KCNQ4: variants seen among roughly 807,000 people sequenced by gnomAD.
KCNQ4 encodes potassium voltage-gated channel subfamily KQT member 4.
Under a neutral mutation model 72.6 loss-of-function variants are expected in KCNQ4, and 31 were observed. That is an observed-to-expected ratio of 0.43 (90% CI 0.32 to 0.58). The LOEUF (loss-of-function observed/expected upper bound fraction) is 0.58. KCNQ4 is among the 20% of genes least tolerant of loss of function. The pLI, the probability that KCNQ4 is intolerant of heterozygous loss-of-function variation, is 0.08. For synonymous variants in KCNQ4, 405 were observed against 403.7 expected, an observed-to-expected ratio of 1.00 and a Z score of -0.04; for missense variants, 869 against 962.6, an observed-to-expected ratio of 0.90 and a Z score of 1.29.
In KCNQ4 at chr1:40,817,262, C is replaced by T; in HGVS notation, c.315-3C>T. On this transcript the variant is annotated splice_region_variant and splice_polypyrimidine_tract_variant and intron_variant, in intron 1 of 13. Coordinates refer to ENST00000347132, the MANE Select transcript of KCNQ4 (RefSeq NM_004700.4). The surrounding 1 kb of genome is among the most constrained non-coding windows in gnomAD (Gnocchi z 5.5). ...AACCCTCTCCCTCATGTTGTAATTGCAGATTTTTGCTGGTCTTCAGCTGCC... is the reference window on the plus strand; with the variant it reads ...AACCCTCTCCCTCATGTTGTAATTGTAGATTTTTGCTGGTCTTCAGCTGCC... 1.2e-6 allele frequency: 2 copies of T among 1,612,824 alleles called. No homozygotes were observed. The highest frequency in any genetic ancestry group is 1.7e-6 in the Non-Finnish European group (2 of 1,179,242).
At position 40,785,592 on chromosome 1, in the gene KCNQ4, G is replaced by T. The variant is rs150662123; in HGVS notation, c.314+1185G>T. Among the ~76,000 whole-genome samples, 120 of 152,092 alleles carry T rather than the reference G, an allele frequency of 7.9e-4. 3 individuals are homozygous for T. The East Asian group carries it at 0.014, about 17-fold the overall frequency. ...TGCTCACCCTTCCACCTAACTGTCC[G>T]CAGTCCTTCTGCTTGCCTGTTTCCA... On this transcript the variant is annotated intron_variant, in intron 1 of 13. Transcript: ENST00000347132.
rs778631219 is a variant in KCNQ4 at position 40,820,225 on chromosome 1, G to A, written c.1006G>A (p.Glu336Lys). The change falls in exon 7 of 14, where the codon GAG (glutamate) becomes AAG (lysine). Residue 336 changes from glutamate (E) to lysine (K), a missense_variant. Physicochemically the swap from Glu to Lys is moderately conservative, Grantham distance 56. This residue lies in a region of KCNQ4 where 19 missense variants were observed against 26.4 expected (regional missense o/e 0.72). Transcript: ENST00000347132. ...VQEQHRQKHF[E>K]KRRMPAANLI... ...GGAGCAGCACCGGCAGAAGCACTTCGAGAAGCGGAGGATGCCGGCAGCCAA... is the reference window on the plus strand; with the variant it reads ...GGAGCAGCACCGGCAGAAGCACTTCAAGAAGCGGAGGATGCCGGCAGCCAA... 34 of 1,610,090 alleles carry A rather than the reference G, an allele frequency of 2.1e-5. No individual in the cohort carries two copies. Among genetic ancestry groups the A allele is most frequent in the Non-Finnish European group, 2.8e-5 (33 of 1,178,404 alleles).
Position 40,838,335 on chromosome 1 carries a change from G to A in KCNQ4, c.1900G>A (p.Asp634Asn). The change falls in exon 14 of 14, where the codon GAC (aspartate) becomes AAC (asparagine). Residue 634 changes from aspartate (D) to asparagine (N), a missense_variant. Asp to Asn is a conservative substitution (Grantham distance 23). Around this residue, in one of 5 missense-constraint regions of KCNQ4, gnomAD observed 480 missense variants for 501.9 expected, o/e 0.96. Transcript: ENST00000347132. ...GGTGCAGTCCATCGAGCACAAGCTG[G>A]ACCTGCTGTTGGGCTTCTATTCGCG... ...KQVQSIEHKL[D>N]LLLGFYSRCL... 3.1e-6 allele frequency: 5 copies of A among 1,613,790 alleles called. No individual in the cohort carries two copies. Among genetic ancestry groups the A allele is most frequent in the African/African-American group, 1.3e-5 (1 of 75,040 alleles).
intron 1 of KCNQ4, among the ~76,000 whole-genome samples, chr1:40,790,285 C>T (rs758281890): frequency 7.9e-5 from 12 of 152,188 alleles, no homozygotes; most frequent in Non-Finnish European, 1.6e-4. Flanking sequence ...GATAAGGCAC[C>T]GAACACTGCT....
At chr1:40,789,610 G>A (rs940967781) in intron 1 of KCNQ4, among the ~76,000 whole-genome samples, 2 of 151,978 alleles carry the variant, frequency 1.3e-5, no homozygotes, top group Non-Finnish European at 2.9e-5. Context: ...CACTGGAGCC[G>A]GTTCGATCTC....
At chr1:40,822,496 G>A in intron 8 of KCNQ4, 94 bp downstream of exon 8, 1 of 1,030,014 alleles carries the variant, frequency 9.7e-7, no homozygotes, top group Non-Finnish European at 1.5e-6. Flanking sequence ...GGTGGAAAGG[G>A]GGTGATGGCT....
intron 1 of KCNQ4, among the ~76,000 whole-genome samples, chr1:40,796,822 G>A (rs1647423739): frequency 6.6e-6 from 1 of 152,046 alleles, no homozygotes; most frequent in Admixed American, 6.6e-5. Flanking sequence ...GGAGGTTGAG[G>A]CATCAGAATC....
At chr1:40,806,931 G>A (rs996999009) in intron 1 of KCNQ4, among the ~76,000 whole-genome samples, 1 of 152,144 alleles carries the variant, frequency 6.6e-6, no homozygotes, top group African/African-American at 2.4e-5. Flanking sequence ...AATCTGTGGC[G>A]GCCAGGAGAG....
chr1:40,834,865 T>G (rs1570852996), intron 11 of KCNQ4, 102 bp from the exon 12 acceptor site: 2 of 1,515,622 alleles, frequency 1.3e-6, no homozygotes, highest in South Asian at 1.1e-5. Flanking sequence ...AAGCAGGAGG[T>G]GCCCTGGTGC....
chr1:40,828,014 G>T (rs985202231), intron 9 of KCNQ4, among the ~76,000 whole-genome samples: 11 of 152,240 alleles, frequency 7.2e-5, no homozygotes, highest in African/African-American at 2.7e-4. Flanking sequence ...GCCTCCTTTG[G>T]CTGTGGAGGG....
In KCNQ4 at chr1:40,784,547, C is replaced by G. The variant is rs575644188; in HGVS notation, c.314+140C>G. On this transcript the variant is annotated intron_variant, in intron 1 of 13. Transcript: ENST00000347132. The surrounding 1 kb of genome is among the most constrained non-coding windows in gnomAD (Gnocchi z 4.1). ...ATCTCTCTCCCCCCAGGCCTAAGCCCGGTTTCTGATCCCCTCGCTGAGCCC... is the reference window on the plus strand; with the variant it reads ...ATCTCTCTCCCCCCAGGCCTAAGCCGGGTTTCTGATCCCCTCGCTGAGCCC... 24 of 819,070 alleles carry G rather than the reference C, an allele frequency of 2.9e-5. No individual in the cohort carries two copies. The highest frequency in any genetic ancestry group is 2.1e-4 in the South Asian group (15 of 70,008). The allele number at this position is 819,070 out of a possible 1,614,324, so 50.7% of individuals were successfully genotyped here. A position where few individuals can be genotyped will look rare whatever the true frequency, so the allele number is the denominator to read the frequency against.
chr1:40,831,294 C>G lies in KCNQ4; in HGVS notation c.1503C>G (p.Thr501=). ...CATCTCTGAGACTCAAACCCCGCAC[C>G]TCTGCTGAGGGTAAGCCCCCGGGGG... is the stretch of plus-strand genomic sequence containing the variant. ...FRASLRLKPR[T]SAEDAPSEEV... is the part of the protein sequence containing the mutation. The change falls in exon 10 of 14, where the codon ACC becomes ACG. Residue 501 remains threonine (T), a synonymous_variant. Coordinates refer to ENST00000347132, the MANE Select transcript of KCNQ4 (RefSeq NM_004700.4). 2 of 1,598,752 alleles carry G rather than the reference C, an allele frequency of 1.3e-6. No homozygotes were observed. The highest frequency in any genetic ancestry group is 1.7e-6 in the Non-Finnish European group (2 of 1,172,858).
chr1:40,786,284 C>T (rs1216317769), intron 1 of KCNQ4, among the ~76,000 whole-genome samples: 4 of 152,212 alleles, frequency 2.6e-5, no homozygotes, highest in East Asian at 1.9e-4. Flanking sequence ...CCTTACCCCC[C>T]CAGGCTTGGC....
intron 1 of KCNQ4, among the ~76,000 whole-genome samples, chr1:40,804,519 A>G (rs1231658671): frequency 6.6e-6 from 1 of 152,182 alleles, no homozygotes. Context: ...GCTTCCCCTC[A>G]TACAAGTCAC....
intron 1 of KCNQ4, among the ~76,000 whole-genome samples, chr1:40,786,012 G>A (rs760783242): frequency 6.6e-6 from 1 of 152,192 alleles, no homozygotes; most frequent in South Asian, 2.1e-4. Flanking sequence ...CCAGTCCTTA[G>A]TGTCCATTGG....
At chr1:40,831,449 T>A in intron 10 of KCNQ4, 145 bp downstream of exon 10, 1 of 675,750 alleles carries the variant, frequency 1.5e-6, no homozygotes, top group East Asian at 2.7e-5. Context: ...TTCTCATCTG[T>A]AAAATGGGCA....
At chr1:40,832,695 A>G (rs1268488910) in intron 10 of KCNQ4, among the ~76,000 whole-genome samples, 1 of 152,176 alleles carries the variant, frequency 6.6e-6, no homozygotes, top group Non-Finnish European at 1.5e-5. Flanking sequence ...GCAAGGTGGA[A>G]CCAGTGGGGC....
chr1:40,802,984 G>A (rs1324351346), intron 1 of KCNQ4, among the ~76,000 whole-genome samples: 1 of 152,192 alleles, frequency 6.6e-6, no homozygotes, highest in East Asian at 1.9e-4. Context: ...TTTAGAAGAG[G>A]AGGGGGCATC....
intron 1 of KCNQ4, among the ~76,000 whole-genome samples, chr1:40,795,092 T>G (rs1647371212): frequency 6.6e-6 from 1 of 152,034 alleles, no homozygotes; most frequent in South Asian, 2.1e-4. Context: ...GGAGGCTGTG[T>G]GATGCCAGGC....
Sources: allele counts gnomAD v4.1 joint callset (sites outside exome capture counted in the v4.1 genomes callset), GRCh38; gene constraint gnomAD v4.1.1; regional missense constraint gnomAD v4.1.1; non-coding constraint Gnocchi (gnomAD v3.1); transcripts MANE v1.5; gene names NCBI Gene and HGNC (gene_info 2026-07-23, HGNC 2026-07-21).